Variants in MAPRE1 observed in about 807,000 individuals in gnomAD.
MAPRE1 encodes microtubule-associated protein RP/EB family member 1.
MAPRE1 carries 5 observed loss-of-function variants against 32.1 expected under a neutral mutation model. That is an observed-to-expected ratio of 0.16 (90% confidence interval 0.08 to 0.33). The LOEUF (loss-of-function observed/expected upper bound fraction) is 0.33, where lower values mean the gene tolerates loss of function less well. MAPRE1 is among the 10% of genes least tolerant of loss of function. The pLI, the probability that MAPRE1 is intolerant of heterozygous loss-of-function variation, is 1.00. For missense variants in MAPRE1, 209 were observed against 327.2 expected (o/e 0.64, Z 2.79); for synonymous variants, 122 against 118.9 (o/e 1.03, Z -0.17).
intron 4 of MAPRE1, among the ~76,000 whole-genome samples, chr20:32,838,399 C>T (rs949344700): frequency 2.6e-5 from 4 of 152,134 alleles, no homozygotes; most frequent in Non-Finnish European, 5.9e-5. Context: ...TGGTCTTTTG[C>T]GTTGTTTCCC....
At chr20:32,836,881 TC>T (rs766484567) in intron 4 of MAPRE1, 40 bp downstream of exon 4, 2 of 1,538,568 alleles carry the variant, frequency 1.3e-6, no homozygotes, top group Non-Finnish European at 1.8e-6. Context: ...AAAATAGCGT[TC>T]CAGATATTCA....
At chr20:32,830,547 T>C (rs1396259137) in intron 2 of MAPRE1, among the ~76,000 whole-genome samples, 1 of 152,176 alleles carries the variant, frequency 6.6e-6, no homozygotes, top group African/African-American at 2.4e-5. Context: ...ATTTGTCTTC[T>C]GAAAGAGCTT....
intron 1 of MAPRE1, among the ~76,000 whole-genome samples, chr20:32,821,001 C>T (rs1423214272): frequency 1.3e-5 from 2 of 149,674 alleles, no homozygotes; most frequent in Non-Finnish European, 3.0e-5. Flanking sequence ...CTAACACTGT[C>T]TTTAAGAGAG....
intron 2 of MAPRE1, among the ~76,000 whole-genome samples, chr20:32,833,365 G>C (rs569855376): frequency 6.6e-6 from 1 of 152,138 alleles, no homozygotes; most frequent in Non-Finnish European, 1.5e-5. Flanking sequence ...ATCAGAAAAT[G>C]TCACTTTTGT....
At chr20:32,826,098 C>G (rs780490555) in intron 2 of MAPRE1, 50 bp downstream of exon 2, 3 of 1,530,508 alleles carry the variant, frequency 2.0e-6, no homozygotes, top group Non-Finnish European at 1.8e-6. Context: ...GTAGGTTTTT[C>G]AGGAATGTGA....
chr20:32,833,339 T>A (rs73114112), intron 2 of MAPRE1, among the ~76,000 whole-genome samples: 3,962 of 152,228 alleles, frequency 0.026, 71 homozygotes, highest in Non-Finnish European at 0.04. Context: ...AAGAGGAGGG[T>A]ATATCTTTGT....
intron 5 of MAPRE1, chr20:32,843,161 A>T (rs1236952115): frequency 6.6e-6 from 1 of 152,026 alleles, no homozygotes; most frequent in Non-Finnish European, 1.5e-5. Context: ...TTATTTATTA[A>T]ATATAAAGGA....
Position 32,826,032 on chromosome 20 carries a change from C to G in MAPRE1, c.105C>G (p.Ile35Met). Residue 35 changes from isoleucine to methionine, a missense_variant, in exon 2 of 7, where the codon ATC becomes ATG. Ile to Met is a conservative substitution (Grantham distance 10, BLOSUM62 1). This residue lies in a region of MAPRE1 where 67 missense variants were observed against 140.0 expected (regional missense o/e 0.48). Transcript: ENST00000375571. ...CTCTGCAGTTGAATCTGACAAAGAT[C>G]GAACAGTTGTGCTCAGGTAAGAGAA... ...NESLQLNLTKIEQLCSGAAYC... is the reference protein window; with the variant it reads ...NESLQLNLTKMEQLCSGAAYC... 1 of 1,605,030 alleles carries G rather than the reference C, an allele frequency of 6.2e-7. No individual in the cohort carries two copies. Among genetic ancestry groups the G allele is most frequent in the Non-Finnish European group, 8.5e-7 (1 of 1,173,052 alleles).
intron 3 of MAPRE1, among the ~76,000 whole-genome samples, chr20:32,835,771 A>G (rs906652627): frequency 1.3e-5 from 2 of 151,224 alleles, no homozygotes; most frequent in Non-Finnish European, 2.9e-5. Flanking sequence ...ACACCCGGCT[A>G]ATTTTTGTAT....
intron 4 of MAPRE1, 79 bp from the exon 5 acceptor site, chr20:32,839,656 T>C: frequency 6.3e-7 from 1 of 1,579,406 alleles, no homozygotes; most frequent in Admixed American, 1.8e-5. Context: ...GGTCACAGCT[T>C]CTCCATGTTG....
intron 3 of MAPRE1, 66 bp downstream of exon 3, chr20:32,833,928 C>A: frequency 7.2e-7 from 1 of 1,388,356 alleles, no homozygotes; most frequent in Non-Finnish European, 9.7e-7. Flanking sequence ...GAGGTAGATG[C>A]TAGCTTATGA....
intron 1 of MAPRE1, among the ~76,000 whole-genome samples, chr20:32,825,575 A>G (rs916053638): frequency 6.6e-6 from 1 of 152,140 alleles, no homozygotes; most frequent in Admixed American, 6.6e-5. Context: ...TGAGTGGATC[A>G]CCTGAGGCCA....
chr20:32,820,256 C>G (rs1450358740), intron 1 of MAPRE1, among the ~76,000 whole-genome samples: 1 of 91,236 alleles, frequency 1.1e-5, no homozygotes. Context: ...CGGAAGTGGG[C>G]TGCTGCTACG....
intron 2 of MAPRE1, among the ~76,000 whole-genome samples, chr20:32,827,370 T>G (rs1252772177): frequency 6.6e-6 from 1 of 151,904 alleles, no homozygotes. Context: ...ATCGCACCAC[T>G]GCACTCCAGC....
At chr20:32,821,059 G>C (rs1248540848) in intron 1 of MAPRE1, among the ~76,000 whole-genome samples, 1 of 133,052 alleles carries the variant, frequency 7.5e-6, no homozygotes, top group African/African-American at 2.8e-5. Flanking sequence ...GTTTTATTCT[G>C]TTGCCCAGGC....
chr20:32,835,241 G>A (rs1601166115), intron 3 of MAPRE1, among the ~76,000 whole-genome samples: 1 of 151,940 alleles, frequency 6.6e-6, no homozygotes, highest in East Asian at 1.9e-4. Context: ...AGATTAAAAA[G>A]TTAAGTTGTG....
At chr20:32,838,557 T>C (rs1007594442) in intron 4 of MAPRE1, among the ~76,000 whole-genome samples, 2 of 152,246 alleles carry the variant, frequency 1.3e-5, no homozygotes, top group African/African-American at 4.8e-5. Flanking sequence ...GTGTTAACTC[T>C]GTATTTAACC....
intron 2 of MAPRE1, among the ~76,000 whole-genome samples, chr20:32,830,873 G>A (rs1256303359): frequency 4.0e-5 from 6 of 151,880 alleles, no homozygotes; most frequent in African/African-American, 7.3e-5. Flanking sequence ...ACAGGCGCCC[G>A]CCACCACACC....
chr20:32,821,312 G>C (rs1426013886), intron 1 of MAPRE1, among the ~76,000 whole-genome samples: 1 of 152,186 alleles, frequency 6.6e-6, no homozygotes, highest in Non-Finnish European at 1.5e-5. Flanking sequence ...CACCGCGCCT[G>C]GCAAGAGAGA....
Sources: gnomAD v4.1 joint callset for allele counts (sites outside exome capture counted in the v4.1 genomes callset) on GRCh38, gnomAD v4.1.1 for gene constraint, gnomAD v4.1.1 regional missense constraint, MANE v1.5 for transcripts, NCBI Gene and HGNC (gene_info 2026-07-23, HGNC 2026-07-21) for gene names.